TRHDE: variants seen among roughly 807,000 people sequenced by gnomAD.
TRHDE encodes thyrotropin releasing hormone degrading enzyme.
In TRHDE, 72 loss-of-function variants were observed where a neutral mutation model predicts 125.7. That is an observed-to-expected ratio of 0.57 (90% CI 0.47 to 0.70). The LOEUF is 0.70. TRHDE is among the 30% of genes least tolerant of loss of function. TRHDE has a pLI of 0.00. For synonymous variants in TRHDE, 509 were observed against 509.1 expected, an observed-to-expected ratio of 1.00 and a Z score of 0.00; for missense variants, 1,110 against 1,327.1, an observed-to-expected ratio of 0.84 and a Z score of 2.54.
intron 2 of TRHDE, among the ~76,000 whole-genome samples, chr12:72,148,347 T>G (rs1393937276): frequency 6.6e-6 from 1 of 152,222 alleles, no homozygotes; most frequent in African/African-American, 2.4e-5. Context: ...CTGACATGTT[T>G]GTAACAGCTT....
intron 1 of TRHDE, among the ~76,000 whole-genome samples, chr12:72,099,476 G>A (rs1426305291): frequency 6.6e-6 from 1 of 152,128 alleles, no homozygotes; most frequent in Non-Finnish European, 1.5e-5. Context: ...GAGCAGGTAA[G>A]GATTGACTAT....
intron 2 of TRHDE, among the ~76,000 whole-genome samples, chr12:72,125,667 C>A (rs1875696705): frequency 6.6e-6 from 1 of 152,126 alleles, no homozygotes; most frequent in Non-Finnish European, 1.5e-5. Context: ...TTAAAATCTA[C>A]ATAAATGATT....
chr12:72,278,718 G>T (rs1018623097), intron 1 of TRHDE, among the ~76,000 whole-genome samples: 2 of 151,938 alleles, frequency 1.3e-5, no homozygotes, highest in East Asian at 3.9e-4. Context: ...TTCATATACC[G>T]GTTGGCCATT....
At chr12:72,526,510 G>A (rs1868341116) in intron 6 of TRHDE, among the ~76,000 whole-genome samples, 1 of 152,092 alleles carries the variant, frequency 6.6e-6, no homozygotes, top group Non-Finnish European at 1.5e-5. Context: ...TTGATGACAA[G>A]TCATAATTCA....
intron 5 of TRHDE, among the ~76,000 whole-genome samples, chr12:72,483,733 T>C (rs1877279815): frequency 6.6e-6 from 1 of 152,000 alleles, no homozygotes; most frequent in East Asian, 1.9e-4. Flanking sequence ...CTCTGGGTTA[T>C]CAAAATTTTC....
At chr12:72,556,534 C>G (rs1477842164) in intron 7 of TRHDE, among the ~76,000 whole-genome samples, 1 of 152,186 alleles carries the variant, frequency 6.6e-6, no homozygotes, top group African/African-American at 2.4e-5. Context: ...ATTCATAGTC[C>G]TAGGACGAAG....
intron 5 of TRHDE, among the ~76,000 whole-genome samples, chr12:72,484,092 A>G: frequency 6.6e-6 from 1 of 152,126 alleles, no homozygotes; most frequent in East Asian, 1.9e-4. Flanking sequence ...AAACAGAAAT[A>G]TAATCTGTTT....
At chr12:72,172,155 A>G (rs1393510832) in intron 2 of TRHDE, among the ~76,000 whole-genome samples, 1 of 152,206 alleles carries the variant, frequency 6.6e-6, no homozygotes, top group Admixed American at 6.5e-5. Context: ...TTATACATAG[A>G]AAGCTACATG....
chr12:72,444,201 A>G (rs536100796), intron 3 of TRHDE, among the ~76,000 whole-genome samples: 1 of 151,956 alleles, frequency 6.6e-6, no homozygotes, highest in African/African-American at 2.4e-5. Context: ...ATTTTTAAAA[A>G]ACCCCAAAGA....
intron 3 of TRHDE, among the ~76,000 whole-genome samples, chr12:72,401,934 G>T (rs1036244511): frequency 6.6e-6 from 1 of 152,068 alleles, no homozygotes; most frequent in East Asian, 1.9e-4. Flanking sequence ...GCTTAAAATG[G>T]TTACTACTAC....
chr12:72,421,405 A>G (rs1388159458), intron 3 of TRHDE, among the ~76,000 whole-genome samples: 2 of 152,200 alleles, frequency 1.3e-5, no homozygotes, highest in Non-Finnish European at 2.9e-5. Flanking sequence ...ATAGGTACAC[A>G]TGGTCTCTCC....
rs568815116 is a variant in TRHDE, at chr12:72,568,742, T to C, written c.2131+86T>C. ...ACCTCTGGTTTCAGCTGTTATAAAATGTGAATAAAGACAAATTAGAAAGAG... is the reference window on the plus strand; with the variant it reads ...ACCTCTGGTTTCAGCTGTTATAAAACGTGAATAAAGACAAATTAGAAAGAG... On this transcript the variant is annotated intron_variant, in intron 10 of 18. Transcript: ENST00000261180. The C allele has an allele frequency of 4.0e-5, 34 of 854,536 alleles. 1 individual carries two copies. The highest frequency in any genetic ancestry group is 2.2e-4 in the South Asian group (12 of 54,472). The allele number at this position is 854,536 out of a possible 1,614,324, so 52.9% of individuals were successfully genotyped here.
chr12:72,349,769 C>A (rs543249727), intron 2 of TRHDE, among the ~76,000 whole-genome samples: 1 of 152,030 alleles, frequency 6.6e-6, no homozygotes, highest in Non-Finnish European at 1.5e-5. Flanking sequence ...GCATGGACTT[C>A]GAAGTGAGAA....
At chr12:72,377,653 T>C (rs1319953498) in intron 2 of TRHDE, among the ~76,000 whole-genome samples, 3 of 152,154 alleles carry the variant, frequency 2.0e-5, no homozygotes, top group African/African-American at 7.2e-5. Flanking sequence ...ACTTTCAGCA[T>C]AGTCAGGGTC....
chr12:72,196,739 A>T (rs1877451115), intron 2 of TRHDE, among the ~76,000 whole-genome samples: 2 of 152,062 alleles, frequency 1.3e-5, no homozygotes, highest in Non-Finnish European at 2.9e-5. Context: ...TGTGTGTGAT[A>T]TGCCATCTCC....
chr12:72,187,121 A>G (rs988686649), intron 2 of TRHDE, among the ~76,000 whole-genome samples: 1 of 152,160 alleles, frequency 6.6e-6, no homozygotes, highest in Non-Finnish European at 1.5e-5. Flanking sequence ...ATATTGAGGC[A>G]ACTTTAAAAA....
At chr12:72,500,849 C>CTTTTTT (rs11314911) in intron 6 of TRHDE, among the ~76,000 whole-genome samples, 21 of 109,330 alleles carry the variant, frequency 1.9e-4, no homozygotes, top group East Asian at 8.2e-4. Context: ...CAACTTTGTT[C>CTTTTTT]TTTTTTTTTT....
chr12:72,281,996 TAGAAG>T (rs1196307127), intron 1 of TRHDE, among the ~76,000 whole-genome samples: 2 of 152,352 alleles, frequency 1.3e-5, no homozygotes, highest in African/African-American at 4.8e-5. Context: ...TTATTTTAGA[TAGAAG>T]AGAATTAAAA....
rs186142627 is a variant in TRHDE, at chr12:72,195,549, T to G, written n.279+89797T>G. 1.1e-3 allele frequency among the ~76,000 whole-genome samples: 169 copies of G among 152,294 alleles called. 2 individuals carry two copies. The highest frequency in any genetic ancestry group is 3.7e-3 in the African/African-American group (154 of 41,570). On this transcript the variant is annotated intron_variant and non_coding_transcript_variant, in intron 2 of 4. Coordinates refer to the TRHDE transcript ENST00000548156. ...TTGTTGGCCACTTGTATGTCTTATT[T>G]GAGAAGTGTCTGTTCATGTCTTTTG... is the stretch of plus-strand genomic sequence containing the variant.
Sources: allele counts gnomAD v4.1 joint callset (sites outside exome capture counted in the v4.1 genomes callset), GRCh38; gene constraint gnomAD v4.1.1; transcripts MANE v1.5; gene names NCBI Gene and HGNC (gene_info 2026-07-23, HGNC 2026-07-21).